CDH18: variants seen among roughly 807,000 people sequenced by gnomAD.
The protein encoded by CDH18 is cadherin 18, also known as cadherin-18.
CDH18 carries 31 observed loss-of-function variants against 67.9 expected under a neutral mutation model. That is an observed-to-expected ratio of 0.46 (90% CI 0.34 to 0.62). CDH18 has a LOEUF of 0.62. CDH18 is among the 20% of genes least tolerant of loss of function. CDH18 has a pLI of 0.01. For missense variants in CDH18, 890 were observed against 975.5 expected, an observed-to-expected ratio of 0.91 and a Z score of 1.17; for synonymous variants, 362 against 347.2, an observed-to-expected ratio of 1.04 and a Z score of -0.48.
At chr5:19,987,901 T>C (rs1280043061) in intron 1 of CDH18, among the ~76,000 whole-genome samples, 185 bp downstream of exon 1, 1 of 152,088 alleles carries the variant, frequency 6.6e-6, no homozygotes, top group East Asian at 1.9e-4. Flanking sequence ...AATTCAAATG[T>C]ATACCAGCGA....
intron 1 of CDH18, among the ~76,000 whole-genome samples, chr5:20,541,410 G>A (rs1362036354): frequency 6.6e-6 from 1 of 152,106 alleles, no homozygotes; most frequent in Admixed American, 6.6e-5. Flanking sequence ...ATAATGACAA[G>A]ATAAATGGTA....
At chr5:19,524,150 C>T (rs1216447539) in intron 9 of CDH18, among the ~76,000 whole-genome samples, 2 of 151,600 alleles carry the variant, frequency 1.3e-5, no homozygotes, top group Non-Finnish European at 2.9e-5. Flanking sequence ...TTTGCAACAT[C>T]TTTGTAGATA....
intron 2 of CDH18, among the ~76,000 whole-genome samples, chr5:20,085,534 T>G (rs1580203986): frequency 6.6e-6 from 1 of 152,258 alleles, no homozygotes; most frequent in East Asian, 1.9e-4. Flanking sequence ...GCTCTACTGG[T>G]ACCGACTTAC....
Position 19,730,801 on chromosome 5 carries a change from A to G in CDH18, c.524-9335T>C, listed in dbSNP as rs530827461. On this transcript the variant is annotated intron_variant, in intron 4 of 12. Transcript: ENST00000382275. ...AAAAAGCATGCAATTAATGCAGTGA[A>G]AAAGTAATGCATTTGTAGTAGCTAA... 3.9e-5 allele frequency among the ~76,000 whole-genome samples: 6 copies of G among 151,986 alleles called. No individual in the cohort carries two copies. The East Asian group carries it at 1.2e-3, about 29-fold the overall frequency.
At chr5:20,222,059 C>A (rs1178091652) in intron 2 of CDH18, among the ~76,000 whole-genome samples, 2 of 152,006 alleles carry the variant, frequency 1.3e-5, no homozygotes, top group African/African-American at 4.8e-5. Flanking sequence ...CCCTGGACCA[C>A]CTTGGTTTAG....
intron 2 of CDH18, among the ~76,000 whole-genome samples, chr5:19,943,675 C>T (rs1795038535): frequency 6.6e-6 from 1 of 151,858 alleles, no homozygotes; most frequent in Admixed American, 6.6e-5. Flanking sequence ...CAAAGGATTC[C>T]AGTCAATGAA....
At chr5:20,258,208 A>C (rs566593425) in intron 1 of CDH18, among the ~76,000 whole-genome samples, 4 of 151,372 alleles carry the variant, frequency 2.6e-5, no homozygotes, top group African/African-American at 9.8e-5. Context: ...GGCCAAATAA[A>C]AATAAGAATT....
chr5:20,572,466 G>A (rs1025669323), intron 1 of CDH18, among the ~76,000 whole-genome samples: 13 of 151,926 alleles, frequency 8.6e-5, no homozygotes, highest in Middle Eastern at 3.2e-3. Flanking sequence ...ATTTCAAGCC[G>A]TTGTTATTTT....
At chr5:19,482,992 G>A (rs1739722182) in intron 12 of CDH18, among the ~76,000 whole-genome samples, 1 of 151,818 alleles carries the variant, frequency 6.6e-6, no homozygotes, top group African/African-American at 2.4e-5. Context: ...TTAGATTCTT[G>A]CCAAAAATTT....
At chr5:20,166,439 C>CAAAA (rs796889478) in intron 2 of CDH18, among the ~76,000 whole-genome samples, 5 of 74,352 alleles carry the variant, frequency 6.7e-5, no homozygotes, top group African/African-American at 2.2e-4. Context: ...GACTCTGTCT[C>CAAAA]AAAAAAAAAA....
chr5:20,423,770 T>C (rs1015566134), intron 1 of CDH18, among the ~76,000 whole-genome samples: 1 of 149,562 alleles, frequency 6.7e-6, no homozygotes, highest in African/African-American at 2.5e-5. Context: ...ACGGCGAAAC[T>C]ACGTCTCTAC....
chr5:19,633,892 A>T (rs193131821), intron 5 of CDH18, among the ~76,000 whole-genome samples: 2 of 152,290 alleles, frequency 1.3e-5, no homozygotes, highest in South Asian at 4.1e-4. Flanking sequence ...TCAGTCTTCC[A>T]AAGTGCTAGG....
Position 20,355,847 on chromosome 5 carries a change from A to T in CDH18, c.-579-100342T>A, listed in dbSNP as rs529903645. ...TTATGATGTAGCACTAACATAGGAC[A>T]CTAATGGAAGCACAAGAGTCACATA... is the stretch of plus-strand genomic sequence containing the variant. On this transcript the variant is annotated intron_variant, in intron 1 of 14. Coordinates refer to the CDH18 transcript ENST00000507958. 4.0e-4 allele frequency among the ~76,000 whole-genome samples: 61 copies of T among 152,330 alleles called. 1 individual carries two copies. The East Asian group carries it at 0.012, about 29-fold the overall frequency.
At chr5:20,204,281 T>C (rs895010421) in intron 2 of CDH18, among the ~76,000 whole-genome samples, 1 of 151,820 alleles carries the variant, frequency 6.6e-6, no homozygotes, top group Non-Finnish European at 1.5e-5. Flanking sequence ...GGAGCTCCAA[T>C]TCATCTAAAA....
intron 5 of CDH18, among the ~76,000 whole-genome samples, chr5:19,713,266 TA>T (rs918556728): frequency 8.5e-5 from 13 of 152,122 alleles, no homozygotes; most frequent in Non-Finnish European, 1.8e-4. Context: ...TGTAAAGGTA[TA>T]ACTACCATTT....
At chr5:20,192,875 T>C (rs986984252) in intron 2 of CDH18, among the ~76,000 whole-genome samples, 2 of 152,178 alleles carry the variant, frequency 1.3e-5, no homozygotes, top group Admixed American at 6.5e-5. Flanking sequence ...TAGTTTTTTC[T>C]AATTCTGTGA....
chr5:20,144,045 A>C (rs1750446804), intron 2 of CDH18, among the ~76,000 whole-genome samples: 2 of 152,196 alleles, frequency 1.3e-5, no homozygotes, highest in African/African-American at 4.8e-5. Flanking sequence ...AAACAGCAGA[A>C]ACGCTGCCTG....
chr5:19,663,568 T>G lies in CDH18; in HGVS notation c.644-50967A>C, dbSNP rs543850028. ...GTTGGAGAAACCAAATCCTGAGAGA[T>G]AATCTCTGAAGGAATGAAAATGAGA... On this transcript the variant is annotated intron_variant, in intron 5 of 12. Coordinates refer to ENST00000382275, the MANE Select transcript of CDH18 (RefSeq NM_004934.5). Among the ~76,000 whole-genome samples the G allele has an allele frequency of 3.9e-5, 6 of 152,040 alleles. No homozygotes were observed. In the East Asian group the frequency reaches 1.2e-3, roughly 29 times the overall value.
intron 1 of CDH18, among the ~76,000 whole-genome samples, chr5:20,562,404 G>A (rs1477262008): frequency 1.3e-5 from 2 of 151,522 alleles, no homozygotes; most frequent in Middle Eastern, 3.2e-3. Flanking sequence ...GCAACCTTAT[G>A]TACCTATGTT....
Sources: gnomAD v4.1 joint callset for allele counts (sites outside exome capture counted in the v4.1 genomes callset) on GRCh38, gnomAD v4.1.1 for gene constraint, MANE v1.5 for transcripts, NCBI Gene and HGNC (gene_info 2026-07-23, HGNC 2026-07-21) for gene names.